TSSC4: variants seen among roughly 807,000 people sequenced by gnomAD.
TSSC4 encodes U5 small nuclear ribonucleoprotein TSSC4.
For synonymous variants in TSSC4, 259 were observed against 197.9 expected (o/e 1.31, Z -2.59); for missense variants, 500 against 443.9 (o/e 1.13, Z -1.14).
rs1176668318 is a variant in TSSC4, at chr11:2,402,349, C to A, written c.-125C>A. The stretch of plus-strand genomic sequence containing the variant: ...CACTCCGAGGCCTGAGACGACCACG[C>A]CTGTGCCGCTGAGGACCTTCATCAG... On this transcript the variant is annotated 5_prime_UTR_variant, in exon 2 of 3. Coordinates refer to ENST00000333256, the MANE Select transcript of TSSC4 (RefSeq NM_005706.4). 3 of 467,268 alleles carry A rather than the reference C, an allele frequency of 6.4e-6. No individual in the cohort carries two copies. Among genetic ancestry groups the A allele is most frequent in the African/African-American group, 5.9e-5 (3 of 50,770 alleles). 28.9% of individuals were successfully genotyped at this position (467,268 alleles called of 1,614,324 possible).
chr11:2,402,896 C>T lies in TSSC4; in HGVS notation c.263C>T (p.Thr88Ile), dbSNP rs768329590. 8 of 1,612,126 alleles carry T rather than the reference C, an allele frequency of 5.0e-6. No individual in the cohort carries two copies. The highest frequency in any genetic ancestry group is 4.5e-5 in the East Asian group (2 of 44,896). Residue 88 changes from threonine (T) to isoleucine (I), a missense_variant, in exon 3 of 3, where the codon ACC becomes ATC. Thr to Ile is a moderately conservative substitution (Grantham distance 89, BLOSUM62 -1). Coordinates refer to ENST00000333256, the MANE Select transcript of TSSC4 (RefSeq NM_005706.4). ...QPFHLRGMSS[T>I]FSQRSRDIFD... ...TTCCATCTGAGAGGCATGAGCTCCACCTTCTCCCAGCGCAGCCGTGACATC... is the reference window on the plus strand; with the variant it reads ...TTCCATCTGAGAGGCATGAGCTCCATCTTCTCCCAGCGCAGCCGTGACATC...
Position 2,403,422 on chromosome 11 carries a change from C to T in TSSC4, c.789C>T (p.Pro263=), listed in dbSNP as rs2234282. The T allele has an allele frequency of 1.4e-5, 22 of 1,592,110 alleles. No individual in the cohort carries two copies. The highest frequency in any genetic ancestry group is 4.0e-5 in the African/African-American group (3 of 74,370). ...GPVELAHLAG[P]GSPEAEEWGS... The stretch of plus-strand genomic sequence containing the variant: ...TGGAGCTGGCCCATCTGGCCGGGCC[C>T]GGGAGCCCAGAGGCTGAGGAGTGGG... Residue 263 remains proline, a synonymous_variant, in exon 3 of 3, where the codon CCC becomes CCT. Transcript: ENST00000333256.
Position 2,402,678 on chromosome 11 carries a change from C to G in TSSC4, c.45C>G (p.Gly15=). 1 of 1,591,122 alleles carries G rather than the reference C, an allele frequency of 6.3e-7. No homozygotes were observed. The change falls in exon 3 of 3, where the codon GGC becomes GGG. Residue 15 remains glycine, a synonymous_variant. Coordinates refer to ENST00000333256, the MANE Select transcript of TSSC4 (RefSeq NM_005706.4). ...GTGAGCCGTCCCCCAGCGTGGAGGG[C>G]GAACACGGGACGGAGTATGACACGC... ...GTGEPSPSVE[G]EHGTEYDTLP...
At position 2,403,009 on chromosome 11, in the gene TSSC4, C is replaced by G; in HGVS notation, c.376C>G (p.Leu126Val). ...MSDNGGFKRP[L>V]APSGRSPVEG... ...TGACAACGGAGGCTTCAAGCGGCCC[C>G]TAGCGCCCTCAGGCCGGTCTCCAGT... Residue 126 changes from leucine (L) to valine (V), a missense_variant, in exon 3 of 3, where the codon CTA becomes GTA. By Grantham distance (32) the Leu-to-Val change is conservative. Transcript: ENST00000333256. 5 of 1,608,402 alleles carry G rather than the reference C, an allele frequency of 3.1e-6. No homozygotes were observed. Among genetic ancestry groups the G allele is most frequent in the Non-Finnish European group, 4.2e-6 (5 of 1,177,920 alleles).
In TSSC4 at chr11:2,403,798, T is replaced by G; in HGVS notation, c.*175T>G. 6.9e-6 allele frequency: 4 copies of G among 580,738 alleles called. No individual in the cohort carries two copies. Among genetic ancestry groups the G allele is most frequent in the Non-Finnish European group, 1.1e-5 (4 of 358,566 alleles). The allele number at this position is 580,738 out of a possible 1,614,324, so 36.0% of individuals were successfully genotyped here. ...GCATCCTCCCAAGCAGAGACCTTGC[T>G]GAAGCTCCTGGGGTGTGGGGTGTGG... On this transcript the variant is annotated 3_prime_UTR_variant, in exon 3 of 3. Coordinates refer to ENST00000333256, the MANE Select transcript of TSSC4 (RefSeq NM_005706.4).
rs1373527244 is a variant in TSSC4, at chr11:2,403,577, TC to T, written c.946del (p.Arg316GlyfsTer99). ...AGCAGGAAGCGGAGTCGAGACCACT[TC>T]CGGAACAAGAGCAGCAGCCCCGAGG... ...HGSRKRSRDH[F>X]RNKSSSPEDP... is the part of the protein sequence containing the mutation. On this transcript the variant is annotated frameshift_variant, in exon 3 of 3. Coordinates refer to ENST00000333256, the MANE Select transcript of TSSC4 (RefSeq NM_005706.4). LOFTEE classifies it high-confidence loss of function. 1 of 1,553,820 alleles carries T rather than the reference TC, an allele frequency of 6.4e-7. No individual in the cohort carries two copies. The highest frequency in any genetic ancestry group is 8.7e-7 in the Non-Finnish European group (1 of 1,153,210).
Position 2,402,645 on chromosome 11 carries a change from A to G in TSSC4, c.12A>G (p.Ala4=), listed in dbSNP as rs1305486409. 4.4e-6 allele frequency: 7 copies of G among 1,593,878 alleles called. No individual in the cohort carries two copies. The Admixed American group carries it at 1.0e-4, about 23-fold the overall frequency. The stretch of plus-strand genomic sequence containing the variant: ...GGCCCTGGGGACGCATGGCTGAGGC[A>G]GGAACAGGTGAGCCGTCCCCCAGCG... MAE[A]GTGEPSPSVE... is the part of the protein sequence containing the mutation. Residue 4 remains alanine, a synonymous_variant, in exon 3 of 3, where the codon GCA becomes GCG. Transcript: ENST00000333256.
At chr11:2,401,274 G>A (rs1409535046) in intron 1 of TSSC4, 1 of 152,230 alleles carries the variant, frequency 6.6e-6, no homozygotes, top group Non-Finnish European at 1.5e-5. Context: ...CCGCGGCGGC[G>A]TTCCGCTGCA....
intron 2 of TSSC4, 46 bp downstream of exon 2, chr11:2,402,496 G>A (rs1850177999): frequency 7.2e-6 from 7 of 965,722 alleles, no homozygotes; most frequent in South Asian, 1.7e-5. Flanking sequence ...ACCCTGTGTG[G>A]GACAGTTCTG....
chr11:2,403,171 G>C lies in TSSC4; in HGVS notation c.538G>C (p.Ala180Pro), dbSNP rs986154100. 1.9e-6 allele frequency: 3 copies of C among 1,612,324 alleles called. No individual in the cohort carries two copies. The African/African-American group carries it at 4.0e-5, about 22-fold the overall frequency. The change falls in exon 3 of 3, where the codon GCC becomes CCC. Residue 180 changes from alanine (A) to proline (P), a missense_variant. Physicochemically the swap from Ala to Pro is conservative, Grantham distance 27. Transcript: ENST00000333256. ...VTEVSEQSNQ[A>P]TALAFLGSQS... ...CGAGGTCAGCGAGCAGAGCAATCAG[G>C]CCACCGCCCTGGCCTTCCTGGGCTC...
Position 2,403,436 on chromosome 11 carries a change from C to CT in TSSC4, c.804dup (p.Glu269Ter), listed in dbSNP as rs774283592. ...CTGGCCGGGCCCGGGAGCCCAGAGG[C>CT]TGAGGAGTGGGGCAGCCACCATGGA... On this transcript the variant is annotated frameshift_variant, in exon 3 of 3. Transcript: ENST00000333256. LOFTEE classifies it low-confidence loss of function (END_TRUNC). 160 of 1,593,816 alleles carry CT rather than the reference C, an allele frequency of 1.0e-4. No individual in the cohort carries two copies. Among genetic ancestry groups the CT allele is most frequent in the Non-Finnish European group, 1.2e-4 (142 of 1,169,288 alleles).
In TSSC4 at chr11:2,403,202, G is replaced by T. The variant is rs761430007; in HGVS notation, c.569G>T (p.Ser190Ile). The change falls in exon 3 of 3, where the codon AGC becomes ATC. Residue 190 changes from serine to isoleucine, a missense_variant. By Grantham distance (142) the Ser-to-Ile change is moderately radical. Transcript: ENST00000333256. ...GCCCTGGCCTTCCTGGGCTCCCAGA[G>T]CCTGGCTGCCCCCACTGACTGCGTG... ...ATALAFLGSQ[S>I]LAAPTDCVSS... The T allele has an allele frequency of 6.5e-5, 105 of 1,612,588 alleles. No individual in the cohort carries two copies. The highest frequency in any genetic ancestry group is 8.4e-5 in the Non-Finnish European group (99 of 1,179,906).
rs1470400110 is a variant in TSSC4, at chr11:2,403,130, G to A, written c.497G>A (p.Ser166Asn). 12 of 1,612,034 alleles carry A rather than the reference G, an allele frequency of 7.4e-6. No individual in the cohort carries two copies. Among genetic ancestry groups the A allele is most frequent in the Non-Finnish European group, 6.8e-6 (8 of 1,179,608 alleles). Residue 166 changes from serine (S) to asparagine (N), a missense_variant, in exon 3 of 3, where the codon AGC becomes AAC. Coordinates refer to ENST00000333256, the MANE Select transcript of TSSC4 (RefSeq NM_005706.4). ...CACCCCGAGCGCTGGACCAAGTACA[G>A]CCTGGAAGATGTGACCGAGGTCAGC... Reference protein sequence around the residue: ...VAHPERWTKYSLEDVTEVSEQ... With the variant: ...VAHPERWTKYNLEDVTEVSEQ...
Position 2,402,605 on chromosome 11 carries a change from G to T in TSSC4, c.-23-6G>T, listed in dbSNP as rs1167554941. 7 of 1,559,844 alleles carry T rather than the reference G, an allele frequency of 4.5e-6. No individual in the cohort carries two copies. The highest frequency in any genetic ancestry group is 2.4e-5 in the South Asian group (2 of 84,960). ...GAAACAAATTTTCTGGGCTGTTTTGGTTTAGGTGTGGCGTGGCCCTGGGGA... is the reference window on the plus strand; with the variant it reads ...GAAACAAATTTTCTGGGCTGTTTTGTTTTAGGTGTGGCGTGGCCCTGGGGA... On this transcript the variant is annotated splice_polypyrimidine_tract_variant and splice_region_variant and intron_variant, in intron 2 of 2. Transcript: ENST00000333256.
chr11:2,402,945 C>T lies in TSSC4; in HGVS notation c.312C>T (p.Ala104=). ...TCTTTGACTGCCTGGAGGGGGCGGC[C>T]AGACGGGCTCCATCCTCTGTGGCCC... The part of the protein sequence containing the change: ...RDIFDCLEGA[A]RRAPSSVAHT... The change falls in exon 3 of 3, where the codon GCC becomes GCT. Residue 104 remains alanine, a synonymous_variant. Coordinates refer to ENST00000333256, the MANE Select transcript of TSSC4 (RefSeq NM_005706.4). 6.2e-7 allele frequency: 1 copy of T among 1,610,994 alleles called. No homozygotes were observed. Among genetic ancestry groups the T allele is most frequent in the Non-Finnish European group, 8.5e-7 (1 of 1,179,242 alleles).
chr11:2,403,667 G>C lies in TSSC4; in HGVS notation c.*44G>C, dbSNP rs1255980449. The C allele has an allele frequency of 1.4e-6, 2 of 1,455,168 alleles. No homozygotes were observed. The highest frequency in any genetic ancestry group is 5.3e-5 in the Admixed American group (2 of 37,778). 90.1% of individuals were successfully genotyped at this position (1,455,168 alleles called of 1,614,324 possible). A position where few individuals can be genotyped will look rare whatever the true frequency, so the allele number is the denominator to read the frequency against. On this transcript the variant is annotated 3_prime_UTR_variant, in exon 3 of 3. Transcript: ENST00000333256. The stretch of plus-strand genomic sequence containing the variant: ...TGACCCCACTGGCCACTGCCATCCT[G>C]CTGCCTTCCCAGTGGGGCTGGTCAG...
rs1187650948 is a variant in TSSC4 at position 2,402,704 on chromosome 11, T to C, written c.71T>C (p.Leu24Pro). Residue 24 changes from leucine (L) to proline (P), a missense_variant, in exon 3 of 3, where the codon CTG becomes CCG. Leu to Pro is a moderately conservative substitution (Grantham distance 98, BLOSUM62 -3). Transcript: ENST00000333256. ...GAACACGGGACGGAGTATGACACGC[T>C]GCCTTCCGACACAGTCTCCCTCAGT... is the stretch of plus-strand genomic sequence containing the variant. ...EGEHGTEYDT[L>P]PSDTVSLSDS... is the part of the protein sequence containing the mutation. 2.5e-6 allele frequency: 4 copies of C among 1,580,678 alleles called. No homozygotes were observed. The highest frequency in any genetic ancestry group is 8.6e-7 in the Non-Finnish European group (1 of 1,163,224).
At position 2,402,387 on chromosome 11, in the gene TSSC4, T is replaced by G. The variant is rs569186294; in HGVS notation, c.-87T>G. 1,530 of 534,470 alleles carry G rather than the reference T, an allele frequency of 2.9e-3. 37 individuals are homozygous for G. In the South Asian group the frequency reaches 0.035, roughly 12 times the overall value. The allele number at this position is 534,470 out of a possible 1,614,324, so 33.1% of individuals were successfully genotyped here. On this transcript the variant is annotated 5_prime_UTR_variant, in exon 2 of 3. Transcript: ENST00000333256. The stretch of plus-strand genomic sequence containing the variant: ...GGACCTTCATCAGGGCTCCGTCCAC[T>G]TGGCCCGCTTGGCTGTCCAATCACA...
In TSSC4 at chr11:2,402,326, C is replaced by G. The variant is rs113009189; in HGVS notation, c.-148C>G. 4 of 386,722 alleles carry G rather than the reference C, an allele frequency of 1.0e-5. No homozygotes were observed. The East Asian group carries it at 1.9e-4, about 18-fold the overall frequency. 24.0% of individuals were successfully genotyped at this position (386,722 alleles called of 1,614,324 possible). ...GCTGAACAGAGGCCATGCCGGGGCA[C>G]TCCGAGGCCTGAGACGACCACGCCT... On this transcript the variant is annotated 5_prime_UTR_variant, in exon 2 of 3. Coordinates refer to ENST00000333256, the MANE Select transcript of TSSC4 (RefSeq NM_005706.4).
Sources: gnomAD v4.1 joint callset for allele counts on GRCh38, gnomAD v4.1.1 for gene constraint, MANE v1.5 for transcripts, NCBI Gene and HGNC (gene_info 2026-07-23, HGNC 2026-07-21) for gene names.